NPHS2: variants seen among roughly 807,000 people sequenced by gnomAD.
NPHS2 encodes podocin.
NPHS2 carries 36 observed loss-of-function variants against 37.1 expected under a neutral mutation model. The ratio of observed to expected loss-of-function variants is 0.97; its 90% CI spans 0.74 to 1.28. NPHS2 has a LOEUF of 1.28. Among genes scored for constraint, NPHS2 ranks in the 50% most tolerant of loss-of-function variants. NPHS2 has a pLI of 0.00. For synonymous variants in NPHS2, 196 were observed against 189.3 expected, an observed-to-expected ratio of 1.04 and a Z score of -0.29; for missense variants, 447 against 488.1, an observed-to-expected ratio of 0.92 and a Z score of 0.79.
At chr1:179,560,879 G>C (rs58485713) in intron 3 of NPHS2, among the ~76,000 whole-genome samples, 108,429 of 151,842 alleles carry the variant, frequency 0.71, 38,816 homozygotes, top group Non-Finnish European at 0.72. Flanking sequence ...TAACTGAAGA[G>C]CAACTTGTTA....
At position 179,556,357 on chromosome 1, in the gene NPHS2, T is replaced by C. The variant is rs1050148709; in HGVS notation, c.738+670A>G. 6.6e-6 allele frequency among the ~76,000 whole-genome samples: 1 copy of C among 152,208 alleles called. No homozygotes were observed. The highest frequency in any genetic ancestry group is 2.4e-5 in the African/African-American group (1 of 41,450). ...CACTCCATTGGCCAGCTGCCTGGAA[T>C]CCTGCTGTCTTCTCACTTCTCCTCT... On this transcript the variant is annotated intron_variant, in intron 5 of 7. Coordinates refer to ENST00000367615, the MANE Select transcript of NPHS2 (RefSeq NM_014625.4). The surrounding 1 kb of genome is among the most constrained non-coding windows in gnomAD (Gnocchi z 4.1).
chr1:179,564,465 T>C (rs1041188356), intron 2 of NPHS2, among the ~76,000 whole-genome samples: 3 of 152,148 alleles, frequency 2.0e-5, no homozygotes, highest in African/African-American at 7.2e-5. Context: ...CAGAGTGACA[T>C]GGGAGCACCA....
At chr1:179,560,930 G>A (rs933332470) in intron 3 of NPHS2, among the ~76,000 whole-genome samples, 5 of 152,210 alleles carry the variant, frequency 3.3e-5, no homozygotes, top group Non-Finnish European at 5.9e-5. Context: ...GATTGGATCT[G>A]AGCACCTGGA....
chr1:179,557,068 C>T lies in NPHS2; in HGVS notation c.697G>A (p.Glu233Lys). Residue 233 changes from glutamate to lysine, a missense_variant, in exon 5 of 8, where the codon GAA becomes AAA. By Grantham distance (56) the Glu-to-Lys change is moderately conservative. Transcript: ENST00000367615. ...KRLLAHRSLT[E>K]ILLERKSIAQ... The stretch of plus-strand genomic sequence containing the variant: ...ATGCTCTTCCTCTCTAGAAGAATTT[C>T]AGTGAGGGATCGATGTGCTAGGAGA... 6.2e-7 allele frequency: 1 copy of T among 1,613,992 alleles called. No individual in the cohort carries two copies. Among genetic ancestry groups the T allele is most frequent in the Non-Finnish European group, 8.5e-7 (1 of 1,179,962 alleles).
rs756868169 is a variant in NPHS2 at position 179,556,918 on chromosome 1, TG to T, written c.738+108del. ...AACTAGCTATGAGCTCCCAAAGGGA[TG>T]GCCCCTAAGGGATGGAACTGGCCAT... On this transcript the variant is annotated intron_variant, in intron 5 of 7. Transcript: ENST00000367615. The surrounding 1 kb of genome is among the most constrained non-coding windows in gnomAD (Gnocchi z 4.1). The T allele has an allele frequency of 1.9e-6, 2 of 1,053,820 alleles. No individual in the cohort carries two copies. Among genetic ancestry groups the T allele is most frequent in the Non-Finnish European group, 2.8e-6 (2 of 705,120 alleles). 65.3% of individuals were successfully genotyped at this position (1,053,820 alleles called of 1,614,324 possible). A position where few individuals can be genotyped will look rare whatever the true frequency, so the allele number is the denominator to read the frequency against.
At chr1:179,554,844 G>A in intron 5 of NPHS2, 1 of 423,170 alleles carries the variant, frequency 2.4e-6, no homozygotes, top group South Asian at 3.3e-5. Flanking sequence ...TTAGGTTAAA[G>A]GCTCTTGAGA....
intron 3 of NPHS2, among the ~76,000 whole-genome samples, chr1:179,560,799 G>T (rs72704492): frequency 0.052 from 7,898 of 152,172 alleles, 274 homozygotes; most frequent in Non-Finnish European, 0.07. Flanking sequence ...TGAGATCAGA[G>T]ACCATGTCTT....
intron 2 of NPHS2, among the ~76,000 whole-genome samples, chr1:179,562,315 A>G (rs1400009484): frequency 6.6e-6 from 1 of 152,214 alleles, no homozygotes; most frequent in Non-Finnish European, 1.5e-5. Flanking sequence ...TTGCGTGTTT[A>G]TCACTGATTT....
At chr1:179,552,784 T>G in intron 6 of NPHS2, 103 bp from the exon 7 acceptor site, 1 of 893,052 alleles carries the variant, frequency 1.1e-6, no homozygotes, top group African/African-American at 1.6e-5. Context: ...TCATGATGAG[T>G]AGCAAATTTG....
chr1:179,563,633 T>G (rs1173723740), intron 2 of NPHS2, among the ~76,000 whole-genome samples: 3 of 152,128 alleles, frequency 2.0e-5, no homozygotes, highest in Non-Finnish European at 1.5e-5. Context: ...CTTATTACAA[T>G]GAAGTTAAAT....
chr1:179,572,043 C>T (rs764485921), intron 1 of NPHS2, among the ~76,000 whole-genome samples: 1 of 152,234 alleles, frequency 6.6e-6, no homozygotes, highest in Non-Finnish European at 1.5e-5. Context: ...AACGCCCTGC[C>T]CTGCTTCAGC....
At chr1:179,552,528 G>A in intron 7 of NPHS2, 75 bp downstream of exon 7, 1 of 1,162,168 alleles carries the variant, frequency 8.6e-7, no homozygotes, top group Non-Finnish European at 1.3e-6. Flanking sequence ...TGGACAGTAA[G>A]GAAGCAAAGG....
intron 1 of NPHS2, among the ~76,000 whole-genome samples, chr1:179,572,726 G>A (rs924642445): frequency 4.6e-5 from 7 of 152,046 alleles, no homozygotes; most frequent in African/African-American, 1.7e-4. Context: ...TTAGGAAATG[G>A]TAGTCTACTT....
intron 1 of NPHS2, among the ~76,000 whole-genome samples, chr1:179,570,889 T>C (rs1220808001): frequency 6.6e-6 from 1 of 152,222 alleles, no homozygotes; most frequent in Non-Finnish European, 1.5e-5. Context: ...CATGAAGTTC[T>C]TGTGCCATGG....
chr1:179,561,372 A>G lies in NPHS2; in HGVS notation c.379-11T>C. 1 of 1,588,926 alleles carries G rather than the reference A, an allele frequency of 6.3e-7. No homozygotes were observed. The highest frequency in any genetic ancestry group is 8.6e-7 in the Non-Finnish European group (1 of 1,157,110). On this transcript the variant is annotated splice_polypyrimidine_tract_variant and intron_variant, in intron 2 of 7. Coordinates refer to ENST00000367615, the MANE Select transcript of NPHS2 (RefSeq NM_014625.4). ...ATACTCTTGTACAACCTAAAGAGAA[A>G]TTTAATCCTTTCAAATCACTCCCAG...
chr1:179,568,918 G>A (rs1201237598), intron 1 of NPHS2, among the ~76,000 whole-genome samples: 1 of 152,182 alleles, frequency 6.6e-6, no homozygotes, highest in African/African-American at 2.4e-5. Flanking sequence ...CTGAGAGACA[G>A]TTTGTTGTGA....
At chr1:179,563,607 A>T (rs879757514) in intron 2 of NPHS2, among the ~76,000 whole-genome samples, 2 of 152,244 alleles carry the variant, frequency 1.3e-5, no homozygotes, top group African/African-American at 2.4e-5. Context: ...GATTGAAATA[A>T]CATAAAGTGT....
At chr1:179,564,984 G>A (rs1395708325) in intron 1 of NPHS2, among the ~76,000 whole-genome samples, 191 bp from the exon 2 acceptor site, 3 of 152,094 alleles carry the variant, frequency 2.0e-5, no homozygotes, top group African/African-American at 7.2e-5. Flanking sequence ...TGGAAAGGTA[G>A]TGGGGACCAG....
At chr1:179,568,321 A>C (rs1037814467) in intron 1 of NPHS2, among the ~76,000 whole-genome samples, 2 of 151,922 alleles carry the variant, frequency 1.3e-5, no homozygotes, top group Admixed American at 6.6e-5. Context: ...TTTCTTCTAG[A>C]TTTTCTACTT....
Sources: allele counts gnomAD v4.1 joint callset (sites outside exome capture counted in the v4.1 genomes callset), GRCh38; gene constraint gnomAD v4.1.1; non-coding constraint Gnocchi (gnomAD v3.1); transcripts MANE v1.5; gene names NCBI Gene and HGNC (gene_info 2026-07-23, HGNC 2026-07-21).